CYP19A1: variants seen among roughly 807,000 people sequenced by gnomAD.
CYP19A1 encodes aromatase.
In CYP19A1, 32 loss-of-function variants were observed where a neutral mutation model predicts 44.4. The ratio of observed to expected loss-of-function variants is 0.72; its 90% CI spans 0.54 to 0.97. The LOEUF is 0.97. CYP19A1 is among the 50% of genes least tolerant of loss of function. CYP19A1 has a pLI of 0.00. For synonymous variants in CYP19A1, 212 were observed against 215.6 expected (o/e 0.98, Z 0.14); for missense variants, 598 against 637.8 (o/e 0.94, Z 0.67).
intron 1 of CYP19A1, among the ~76,000 whole-genome samples, chr15:51,259,512 CTTG>C (rs2034637089): frequency 6.6e-6 from 1 of 152,102 alleles, no homozygotes; most frequent in South Asian, 2.1e-4. Flanking sequence ...GTAAGCTTTT[CTTG>C]TTGAGTTGCC....
intron 1 of CYP19A1, among the ~76,000 whole-genome samples, chr15:51,265,359 A>C (rs758848864): frequency 2.6e-5 from 4 of 152,240 alleles, no homozygotes; most frequent in Non-Finnish European, 4.4e-5. Context: ...AGCAGATGGA[A>C]AAAATAAATA....
At chr15:51,218,894 AGTTTTCAAGTTTGT>A (rs1469200649) in intron 5 of CYP19A1, among the ~76,000 whole-genome samples, 1 of 152,222 alleles carries the variant, frequency 6.6e-6, no homozygotes, top group East Asian at 1.9e-4. Context: ...GTGAGTTGCC[AGTTTTCAAGTTTGT>A]GTTTTCAAGT....
chr15:51,276,754 T>C (rs2035322731), intron 1 of CYP19A1, among the ~76,000 whole-genome samples: 1 of 152,228 alleles, frequency 6.6e-6, no homozygotes, highest in Non-Finnish European at 1.5e-5. Context: ...AAATGAATTC[T>C]TCCTGCCTGA....
intron 1 of CYP19A1, among the ~76,000 whole-genome samples, chr15:51,298,999 C>T (rs997465921): frequency 9.2e-5 from 14 of 152,224 alleles, no homozygotes; most frequent in Admixed American, 7.2e-4. Flanking sequence ...CCCCATCTGC[C>T]ACCCCCATGC....
At chr15:51,233,095 T>C (rs2033151284) in intron 3 of CYP19A1, among the ~76,000 whole-genome samples, 1 of 152,212 alleles carries the variant, frequency 6.6e-6, no homozygotes, top group South Asian at 2.1e-4. Flanking sequence ...GCTCATTTCC[T>C]TTAGGTCTTT....
At chr15:51,258,469 A>T (rs11631715) in intron 1 of CYP19A1, among the ~76,000 whole-genome samples, 3 of 152,030 alleles carry the variant, frequency 2.0e-5, no homozygotes, top group African/African-American at 4.8e-5. Flanking sequence ...TTAATGCATG[A>T]GACTTGACTC....
chr15:51,234,370 C>A (rs1331889761), intron 3 of CYP19A1, among the ~76,000 whole-genome samples: 1 of 152,118 alleles, frequency 6.6e-6, no homozygotes, highest in Non-Finnish European at 1.5e-5. Flanking sequence ...GTTGTGGCTG[C>A]GTCTCAGCGT....
intron 1 of CYP19A1, among the ~76,000 whole-genome samples, chr15:51,311,751 G>T (rs1220784543): frequency 6.6e-6 from 1 of 152,158 alleles, no homozygotes; most frequent in African/African-American, 2.4e-5. Context: ...TTGACCCTGG[G>T]GTAAGGGAAG....
chr15:51,299,579 A>C (rs748705851), intron 1 of CYP19A1, among the ~76,000 whole-genome samples: 6 of 152,244 alleles, frequency 3.9e-5, no homozygotes, highest in Non-Finnish European at 7.3e-5. Context: ...CTGTGTTTGC[A>C]GACCTAACTG....
chr15:51,285,666 T>C (rs1363623999), intron 1 of CYP19A1, among the ~76,000 whole-genome samples: 1 of 152,204 alleles, frequency 6.6e-6, no homozygotes, highest in African/African-American at 2.4e-5. Flanking sequence ...TAGGAGAATA[T>C]ATTCCATATG....
chr15:51,214,657 T>C (rs929604372), intron 8 of CYP19A1, among the ~76,000 whole-genome samples: 5 of 152,192 alleles, frequency 3.3e-5, no homozygotes, highest in African/African-American at 1.2e-4. Flanking sequence ...TTGTATATGA[T>C]CCCATGTTTT....
chr15:51,264,508 C>T (rs920266942), intron 1 of CYP19A1, among the ~76,000 whole-genome samples: 2 of 150,312 alleles, frequency 1.3e-5, no homozygotes, highest in Non-Finnish European at 3.0e-5. Context: ...AGAGTAACGA[C>T]GGTCAAGGGA....
Position 51,209,526 on chromosome 15 carries a change from A to T in CYP19A1, c.*1282T>A, listed in dbSNP as rs1261750661. The T allele has an allele frequency of 6.6e-6, 1 of 152,506 alleles. No homozygotes were observed. The highest frequency in any genetic ancestry group is 1.5e-5 in the Non-Finnish European group (1 of 68,032). 9.4% of individuals were successfully genotyped at this position (152,506 alleles called of 1,614,324 possible). A position where few individuals can be genotyped will look rare whatever the true frequency, so the allele number is the denominator to read the frequency against. The stretch of plus-strand genomic sequence containing the variant: ...TTAGTTTTTCAATGACATTCAGTAG[A>T]GATAGTTATATTGGCTATATAACAC... On this transcript the variant is annotated 3_prime_UTR_variant, in exon 10 of 10. Transcript: ENST00000396402.
intron 1 of CYP19A1, among the ~76,000 whole-genome samples, chr15:51,316,842 T>C (rs979692710): frequency 6.6e-6 from 1 of 152,218 alleles, no homozygotes; most frequent in Non-Finnish European, 1.5e-5. Context: ...GCCAAAAAGC[T>C]ATAAGCAAAA....
chr15:51,333,221 T>C (rs2036728328), intron 1 of CYP19A1, among the ~76,000 whole-genome samples: 1 of 152,226 alleles, frequency 6.6e-6, no homozygotes, highest in Non-Finnish European at 1.5e-5. Context: ...TAATGTTTTC[T>C]TTTGTCTGCT....
At chr15:51,281,426 G>A (rs2035513594) in intron 1 of CYP19A1, among the ~76,000 whole-genome samples, 1 of 152,238 alleles carries the variant, frequency 6.6e-6, no homozygotes, top group African/African-American at 2.4e-5. Flanking sequence ...CAGGGGCCAT[G>A]TCCTGGACAG....
At chr15:51,271,204 C>T (rs1237626777) in intron 1 of CYP19A1, among the ~76,000 whole-genome samples, 2 of 152,108 alleles carry the variant, frequency 1.3e-5, no homozygotes, top group African/African-American at 2.4e-5. Context: ...CCAGGTCATA[C>T]AGTCTGTGGT....
chr15:51,285,978 C>T (rs1038504057), intron 1 of CYP19A1, among the ~76,000 whole-genome samples: 1 of 152,176 alleles, frequency 6.6e-6, no homozygotes, highest in Non-Finnish European at 1.5e-5. Flanking sequence ...CTTACTTGCC[C>T]CCCATCCAGA....
rs28757084 is a variant in CYP19A1, at chr15:51,323,019, T to C, written c.-39+15476A>G. On this transcript the variant is annotated intron_variant, in intron 1 of 9. Coordinates refer to ENST00000396402, the MANE Select transcript of CYP19A1 (RefSeq NM_000103.4). Reference sequence around the variant, plus strand: ...ATTCAGTGTTTTCTTCTGCACCAAATGAATGCTGGAGCTACAGGAAGGGCC... The same window carrying C: ...ATTCAGTGTTTTCTTCTGCACCAAACGAATGCTGGAGCTACAGGAAGGGCC... Among the ~76,000 whole-genome samples the C allele has an allele frequency of 8.7e-3, 1,318 of 152,318 alleles. 19 individuals carry two copies. The highest frequency in any genetic ancestry group is 0.03 in the African/African-American group (1,242 of 41,564).
Sources: gnomAD v4.1 joint callset for allele counts (sites outside exome capture counted in the v4.1 genomes callset) on GRCh38, gnomAD v4.1.1 for gene constraint, MANE v1.5 for transcripts, NCBI Gene and HGNC (gene_info 2026-07-23, HGNC 2026-07-21) for gene names.